Variants in GJC2 observed in about 807,000 individuals in gnomAD.
GJC2 encodes gap junction protein gamma 2.
For synonymous variants in GJC2, 336 were observed against 307.5 expected (o/e 1.09, Z -0.97); for missense variants, 647 against 648.9 (o/e 1.00, Z 0.03).
In GJC2 at chr1:228,158,567, T is replaced by A; in HGVS notation, c.809T>A (p.Val270Asp). 6.2e-7 allele frequency: 1 copy of A among 1,612,648 alleles called. No homozygotes were observed. Among genetic ancestry groups the A allele is most frequent in the Non-Finnish European group, 8.5e-7 (1 of 1,179,508 alleles). Residue 270 changes from valine (V) to aspartate (D), a missense_variant, in exon 2 of 2, where the codon GTT becomes GAT. Transcript: ENST00000366714. The surrounding 1 kb of genome is among the most constrained non-coding windows in gnomAD (Gnocchi z 8.3). ...RPTEKTVFLL[V>D]MYVVSCLCLL... ...ACTGAAAAGACGGTCTTCCTGCTGG[T>A]TATGTACGTGGTCAGCTGCCTGTGC...
In GJC2 at chr1:228,151,915, G is replaced by A. The variant is rs975731569; in HGVS notation, c.-20+1908G>A. Among the ~76,000 whole-genome samples the A allele has an allele frequency of 2.6e-5, 4 of 152,182 alleles. No individual in the cohort carries two copies. The highest frequency in any genetic ancestry group is 2.1e-4 in the South Asian group (1 of 4,836). On this transcript the variant is annotated intron_variant, in intron 1 of 1. Transcript: ENST00000366714. The surrounding 1 kb of genome is among the most constrained non-coding windows in gnomAD (Gnocchi z 5.4). Reference sequence around the variant, plus strand: ...GCTCAGGCAGGGACATGGAGGACAGGTAGTGGAGCTGCCACCACAGAGCTG... The same window carrying A: ...GCTCAGGCAGGGACATGGAGGACAGATAGTGGAGCTGCCACCACAGAGCTG...
Position 228,157,740 on chromosome 1 carries a change from G to GGGGGGGGGGGGGGGC in GJC2, c.-19_-18insGGGGGGGGGGGGGGC. 1.2e-5 allele frequency: 8 copies of GGGGGGGGGGGGGGGC among 662,258 alleles called. No individual in the cohort carries two copies. Among genetic ancestry groups the GGGGGGGGGGGGGGGC allele is most frequent in the Non-Finnish European group, 1.8e-5 (7 of 378,502 alleles). 41.0% of individuals were successfully genotyped at this position (662,258 alleles called of 1,614,324 possible). ...GGCTGACCCCTACCCCGCCCCACAG[G>GGGGGGGGGGGGGGGC]ACCCGCCCGCCCGCCCCTATGACCA... On this transcript the variant is annotated splice_region_variant and 5_prime_UTR_variant, in exon 2 of 2. Transcript: ENST00000366714.
rs1250181465 is a variant in GJC2, at chr1:228,158,712, C to T, written c.954C>T (p.Cys318=). The T allele has an allele frequency of 3.9e-6, 5 of 1,269,270 alleles. No homozygotes were observed. Among genetic ancestry groups the T allele is most frequent in the East Asian group, 4.8e-5 (1 of 21,036 alleles). The allele number at this position is 1,269,270 out of a possible 1,614,324, so 78.6% of individuals were successfully genotyped here. The part of the protein sequence containing the change: ...APAPAPRPPP[C]AFPAAAAGLA... The stretch of plus-strand genomic sequence containing the variant: ...CCCCCGCGCCGCGGCCCCCGCCCTG[C>T]GCCTTCCCTGCGGCGGCCGCTGGCT... The change falls in exon 2 of 2, where the codon TGC becomes TGT. Residue 318 remains cysteine (C), a synonymous_variant. Coordinates refer to ENST00000366714, the MANE Select transcript of GJC2 (RefSeq NM_020435.4). This position sits in a 1 kb window ranked among gnomAD's most constrained non-coding sequence, Gnocchi z 8.3.
intron 1 of GJC2, among the ~76,000 whole-genome samples, chr1:228,157,088 GC>G (rs2034691460): frequency 1.4e-5 from 2 of 147,510 alleles, no homozygotes; most frequent in Admixed American, 6.7e-5. Flanking sequence ...CCAGCCGGGG[GC>G]TGGAGGGAGG....
At position 228,158,430 on chromosome 1, in the gene GJC2, G is replaced by A. The variant is rs1203275018; in HGVS notation, c.672G>A (p.Glu224=). 1.9e-6 allele frequency: 3 copies of A among 1,608,604 alleles called. No homozygotes were observed. The highest frequency in any genetic ancestry group is 2.5e-6 in the Non-Finnish European group (3 of 1,179,530). Residue 224 remains glutamate (E), a synonymous_variant, in exon 2 of 2, where the codon GAG becomes GAA. Transcript: ENST00000366714. This position sits in a 1 kb window ranked among gnomAD's most constrained non-coding sequence, Gnocchi z 8.3. ...VAQLVARAAF[E]VAFLVGQYLL... is the part of the protein sequence containing the mutation. ...AGCTGGTGGCCAGGGCAGCTTTCGAGGTGGCCTTCCTGGTGGGCCAGTACC... is the reference window on the plus strand; with the variant it reads ...AGCTGGTGGCCAGGGCAGCTTTCGAAGTGGCCTTCCTGGTGGGCCAGTACC...
At chr1:228,154,863 C>A (rs1420576876) in intron 1 of GJC2, among the ~76,000 whole-genome samples, 1 of 152,242 alleles carries the variant, frequency 6.6e-6, no homozygotes, top group East Asian at 1.9e-4. Context: ...CCAGCCCCAG[C>A]CCTCGGGTCT....
intron 1 of GJC2, among the ~76,000 whole-genome samples, chr1:228,153,179 C>T (rs2034640598): frequency 6.6e-6 from 1 of 152,052 alleles, no homozygotes; most frequent in African/African-American, 2.4e-5. Flanking sequence ...GCTTGTCCCG[C>T]CTCTCTATCA....
chr1:228,156,756 C>A (rs1334138684), intron 1 of GJC2, among the ~76,000 whole-genome samples: 2 of 152,228 alleles, frequency 1.3e-5, no homozygotes, highest in East Asian at 1.9e-4. Context: ...CTGGGGCAAC[C>A]GCCAGCAGAG....
At position 228,159,157 on chromosome 1, in the gene GJC2, G is replaced by C. The variant is rs912263815; in HGVS notation, c.*79G>C. 2.0e-6 allele frequency: 3 copies of C among 1,513,246 alleles called. No homozygotes were observed. The highest frequency in any genetic ancestry group is 2.7e-6 in the Non-Finnish European group (3 of 1,101,018). The allele number at this position is 1,513,246 out of a possible 1,614,324, so 93.7% of individuals were successfully genotyped here. A position where few individuals can be genotyped will look rare whatever the true frequency, so the allele number is the denominator to read the frequency against. The stretch of plus-strand genomic sequence containing the variant: ...GGAAACCTGCGACCCCTTCTCCTCA[G>C]CCTTCTCCTTAGCCGGTGGCCTCAG... On this transcript the variant is annotated 3_prime_UTR_variant, in exon 2 of 2. Transcript: ENST00000366714. This position sits in a 1 kb window ranked among gnomAD's most constrained non-coding sequence, Gnocchi z 4.0.
Position 228,157,735 on chromosome 1 carries a change from C to T in GJC2, c.-19-5C>T, listed in dbSNP as rs1251450421. 1 of 697,368 alleles carries T rather than the reference C, an allele frequency of 1.4e-6. No individual in the cohort carries two copies. The highest frequency in any genetic ancestry group is 2.6e-6 in the Non-Finnish European group (1 of 380,440). The allele number at this position is 697,368 out of a possible 1,614,324, so 43.2% of individuals were successfully genotyped here. On this transcript the variant is annotated splice_region_variant and splice_polypyrimidine_tract_variant and intron_variant, in intron 1 of 1. Transcript: ENST00000366714. ...CCCCTGGCTGACCCCTACCCCGCCC[C>T]ACAGGACCCGCCCGCCCGCCCCTAT... is the stretch of plus-strand genomic sequence containing the variant.
intron 1 of GJC2, among the ~76,000 whole-genome samples, chr1:228,155,588 G>GC (rs2034668873): frequency 3.3e-5 from 5 of 152,070 alleles, no homozygotes; most frequent in Non-Finnish European, 7.4e-5. Context: ...AGGCCCAAGA[G>GC]AGAATTACAG....
Position 228,158,040 on chromosome 1 carries a change from C to G in GJC2, c.282C>G (p.Tyr94Ter), listed in dbSNP as rs767800245. ...TCATCTCCACGCCCTCGGTCATGTA[C>G]CTGGGCTACGCCGTGCACCGCCTGG... is the stretch of plus-strand genomic sequence containing the variant. ...IVVISTPSVM[Y>*]LGYAVHRLAR... Residue 94 changes from tyrosine to a stop codon, truncating the protein, a stop_gained, in exon 2 of 2, where the codon TAC (tyrosine) becomes TAG (stop). Coordinates refer to ENST00000366714, the MANE Select transcript of GJC2 (RefSeq NM_020435.4). LOFTEE classifies it low-confidence loss of function (END_TRUNC). The surrounding 1 kb of genome is among the most constrained non-coding windows in gnomAD (Gnocchi z 8.3). 2 of 1,609,638 alleles carry G rather than the reference C, an allele frequency of 1.2e-6. No homozygotes were observed. Among genetic ancestry groups the G allele is most frequent in the Non-Finnish European group, 1.7e-6 (2 of 1,179,394 alleles).
At chr1:228,154,316 G>A (rs1415690183) in intron 1 of GJC2, among the ~76,000 whole-genome samples, 1 of 152,192 alleles carries the variant, frequency 6.6e-6, no homozygotes, top group Non-Finnish European at 1.5e-5. Context: ...TCTGTAGCAT[G>A]CCCCTTGGGT....
At chr1:228,154,627 ACT>A (rs751863985) in intron 1 of GJC2, among the ~76,000 whole-genome samples, 1 of 151,854 alleles carries the variant, frequency 6.6e-6, no homozygotes, top group Non-Finnish European at 1.5e-5. Flanking sequence ...CTTTGGATTG[ACT>A]CTGCACAGAG....
Position 228,159,350 on chromosome 1 carries a change from A to G in GJC2, c.*272A>G. The G allele has an allele frequency of 2.0e-6, 1 of 504,730 alleles. No homozygotes were observed. Among genetic ancestry groups the G allele is most frequent in the South Asian group, 2.6e-5 (1 of 38,740 alleles). 31.3% of individuals were successfully genotyped at this position (504,730 alleles called of 1,614,324 possible). A position where few individuals can be genotyped will look rare whatever the true frequency, so the allele number is the denominator to read the frequency against. On this transcript the variant is annotated 3_prime_UTR_variant, in exon 2 of 2. Transcript: ENST00000366714. The surrounding 1 kb of genome is among the most constrained non-coding windows in gnomAD (Gnocchi z 4.0). The stretch of plus-strand genomic sequence containing the variant: ...GAACCCCAGGGGGAGTGGGGCATTG[A>G]CTCCACCCCTGTCCTGAGCTGGAAT...
rs760502262 is a variant in GJC2, at chr1:228,158,705, C to T, written c.947C>T (p.Pro316Leu). The T allele has an allele frequency of 1.4e-3, 1,598 of 1,179,386 alleles. 16 individuals carry two copies. In the African/African-American group the frequency reaches 0.025, roughly 18 times the overall value. 73.1% of individuals were successfully genotyped at this position (1,179,386 alleles called of 1,614,324 possible). A position where few individuals can be genotyped will look rare whatever the true frequency, so the allele number is the denominator to read the frequency against. ...GCCCCCGCCCCCGCGCCGCGGCCCC[C>T]GCCCTGCGCCTTCCCTGCGGCGGCC... ...ASAPAPAPRP[P>L]PCAFPAAAAG... is the part of the protein sequence containing the mutation. The change falls in exon 2 of 2, where the codon CCG (proline) becomes CTG (leucine). Residue 316 changes from proline to leucine, a missense_variant. Physicochemically the swap from Pro to Leu is moderately conservative, Grantham distance 98. Transcript: ENST00000366714. This position sits in a 1 kb window ranked among gnomAD's most constrained non-coding sequence, Gnocchi z 8.3.
In GJC2 at chr1:228,159,000, G is replaced by A. The variant is rs1371799717; in HGVS notation, c.1242G>A (p.Arg414=). 1.2e-6 allele frequency: 2 copies of A among 1,605,630 alleles called. No individual in the cohort carries two copies. The highest frequency in any genetic ancestry group is 1.7e-6 in the Non-Finnish European group (2 of 1,177,806). Residue 414 remains arginine, a synonymous_variant, in exon 2 of 2, where the codon CGG becomes CGA. Transcript: ENST00000366714. The surrounding 1 kb of genome is among the most constrained non-coding windows in gnomAD (Gnocchi z 8.3). ...AGGGCCGGCCCGGCACCCACGAGCGGCCAGGAGCCAAGCCCAGGGCTGGCT... is the reference window on the plus strand; with the variant it reads ...AGGGCCGGCCCGGCACCCACGAGCGACCAGGAGCCAAGCCCAGGGCTGGCT... ...GEQGRPGTHE[R]PGAKPRAGSE...
chr1:228,155,871 C>T (rs1436464609), intron 1 of GJC2, among the ~76,000 whole-genome samples: 3 of 152,224 alleles, frequency 2.0e-5, no homozygotes, highest in Admixed American at 6.5e-5. Context: ...CACTGGCAGG[C>T]GCCATTACTG....
intron 1 of GJC2, among the ~76,000 whole-genome samples, chr1:228,155,043 T>C (rs569300760): frequency 6.6e-6 from 1 of 152,312 alleles, no homozygotes; most frequent in South Asian, 2.1e-4. Context: ...ATAGCTGTAT[T>C]TTCTATGAAA....
Sources: gnomAD v4.1 joint callset for allele counts (sites outside exome capture counted in the v4.1 genomes callset) on GRCh38, gnomAD v4.1.1 for gene constraint, Gnocchi (gnomAD v3.1) non-coding constraint, MANE v1.5 for transcripts, NCBI Gene and HGNC (gene_info 2026-07-23, HGNC 2026-07-21) for gene names.